WWC2: variants seen among roughly 807,000 people sequenced by gnomAD.
The protein encoded by WWC2 is protein WWC2.
Under a neutral mutation model 138.5 loss-of-function variants are expected in WWC2, and 101 were observed. The observed-to-expected ratio is 0.73, with a 90% CI of 0.62 to 0.86. The LOEUF (loss-of-function observed/expected upper bound fraction) is 0.86, where lower values mean the gene tolerates loss of function less well. Among genes scored for constraint, WWC2 ranks in the 40% least tolerant of loss-of-function variants. WWC2 has a pLI of 0.00. For missense variants in WWC2, 1,420 were observed against 1,419.4 expected, an observed-to-expected ratio of 1.00 and a Z score of -0.01; for synonymous variants, 558 against 538.4, an observed-to-expected ratio of 1.04 and a Z score of -0.50.
intron 1 of WWC2, among the ~76,000 whole-genome samples, chr4:183,177,721 A>G (rs2111176589): frequency 6.6e-6 from 1 of 152,274 alleles, no homozygotes; most frequent in East Asian, 1.9e-4. Context: ...ATAAATAGTC[A>G]TCTTTGAAAT....
At chr4:183,124,134 A>G (rs1381067190) in intron 1 of WWC2, among the ~76,000 whole-genome samples, 3 of 152,198 alleles carry the variant, frequency 2.0e-5, no homozygotes, top group East Asian at 1.9e-4. Context: ...TAGATACCCA[A>G]ACAGTTCCTG....
intron 21 of WWC2, among the ~76,000 whole-genome samples, chr4:183,291,790 A>G (rs1177697076): frequency 6.6e-6 from 1 of 152,188 alleles, no homozygotes; most frequent in Non-Finnish European, 1.5e-5. Flanking sequence ...TCTCCATTGT[A>G]TAGAGAGAAG....
chr4:183,174,815 C>G (rs1181822220), intron 1 of WWC2, among the ~76,000 whole-genome samples: 1 of 151,992 alleles, frequency 6.6e-6, no homozygotes, highest in Non-Finnish European at 1.5e-5. Flanking sequence ...CTCTCTGTCT[C>G]TCTCTCTTTT....
At chr4:183,196,056 G>A (rs1426397800) in intron 2 of WWC2, among the ~76,000 whole-genome samples, 1 of 151,980 alleles carries the variant, frequency 6.6e-6, no homozygotes, top group Non-Finnish European at 1.5e-5. Flanking sequence ...AGCATCTTCC[G>A]CTTACTCTCT....
At chr4:183,239,418 A>ATTT (rs2111308523) in intron 4 of WWC2, among the ~76,000 whole-genome samples, 1 of 152,346 alleles carries the variant, frequency 6.6e-6, no homozygotes, top group Non-Finnish European at 1.5e-5. Flanking sequence ...TTTGTGACTA[A>ATTT]ACCAGGCGTG....
intron 1 of WWC2, among the ~76,000 whole-genome samples, chr4:183,102,822 G>A (rs185019890): frequency 2.7e-5 from 4 of 150,186 alleles, no homozygotes. Context: ...GAACATACCA[G>A]TTGGTGTTTA....
At chr4:183,311,218 A>C (rs1739205281) in intron 21 of WWC2, among the ~76,000 whole-genome samples, 1 of 152,238 alleles carries the variant, frequency 6.6e-6, no homozygotes, top group Admixed American at 6.5e-5. Flanking sequence ...GTACATTTTT[A>C]TTTTAAAATG....
intron 1 of WWC2, among the ~76,000 whole-genome samples, chr4:183,151,828 T>A (rs969218846): frequency 2.6e-5 from 4 of 152,250 alleles, no homozygotes; most frequent in Non-Finnish European, 5.9e-5. Context: ...TTTCTCAGGT[T>A]TGTCAAAGAT....
chr4:183,242,818 A>G (rs1736663413), intron 5 of WWC2, among the ~76,000 whole-genome samples: 1 of 152,238 alleles, frequency 6.6e-6, no homozygotes, highest in Non-Finnish European at 1.5e-5. Flanking sequence ...TTAAGAACAA[A>G]AAGCATGATA....
intron 16 of WWC2, among the ~76,000 whole-genome samples, chr4:183,272,711 A>G (rs1037337675): frequency 1.3e-5 from 2 of 152,166 alleles, no homozygotes; most frequent in Admixed American, 6.5e-5. Context: ...CAATAATACA[A>G]TATTTGTTCT....
At chr4:183,200,910 C>G (rs889667644) in intron 2 of WWC2, among the ~76,000 whole-genome samples, 3 of 152,190 alleles carry the variant, frequency 2.0e-5, no homozygotes, top group Non-Finnish European at 4.4e-5. Flanking sequence ...AGCGCATACT[C>G]AAGAGGCATA....
At chr4:183,287,872 C>T in intron 20 of WWC2, among the ~76,000 whole-genome samples, 1 of 152,126 alleles carries the variant, frequency 6.6e-6, no homozygotes, top group East Asian at 1.9e-4. Flanking sequence ...ACAGTCATAG[C>T]TTGAAAATGG....
chr4:183,142,071 A>G lies in WWC2; in HGVS notation c.131+42449A>G, dbSNP rs184320348. ...AAGCAGTTTGGTGGGTTGGAGTGCT[A>G]TTTTAGAAAAGTGATAGGAGAGCAT... On this transcript the variant is annotated intron_variant, in intron 1 of 22. Transcript: ENST00000403733. Among the ~76,000 whole-genome samples the G allele has an allele frequency of 2.3e-3, 348 of 152,294 alleles. 1 individual carries two copies. The highest frequency in any genetic ancestry group is 3.6e-3 in the Admixed American group (55 of 15,298).
chr4:183,309,371 C>G (rs969711079), intron 21 of WWC2, among the ~76,000 whole-genome samples: 10 of 152,184 alleles, frequency 6.6e-5, no homozygotes, highest in African/African-American at 2.4e-4. Context: ...TTACAAAAAA[C>G]TCTTAAAACT....
At chr4:183,312,495 T>C (rs745632169) in intron 22 of WWC2, 27 bp downstream of exon 22, 1 of 1,612,160 alleles carries the variant, frequency 6.2e-7, no homozygotes, top group South Asian at 1.1e-5. Context: ...AGGACAGCTT[T>C]TGGGTTGCCC....
At chr4:183,106,703 CT>C (rs1367288114) in intron 1 of WWC2, among the ~76,000 whole-genome samples, 3 of 152,026 alleles carry the variant, frequency 2.0e-5, no homozygotes, top group African/African-American at 7.2e-5. Context: ...TATCTGGCTT[CT>C]TTTTTTCTTA....
intron 1 of WWC2, among the ~76,000 whole-genome samples, chr4:183,182,416 A>G (rs1734658472): frequency 6.6e-6 from 1 of 152,238 alleles, no homozygotes; most frequent in Non-Finnish European, 1.5e-5. Flanking sequence ...TGTTTGGACA[A>G]TAATCCTTTT....
At chr4:183,299,382 C>G (rs1738747586) in intron 21 of WWC2, among the ~76,000 whole-genome samples, 1 of 152,106 alleles carries the variant, frequency 6.6e-6, no homozygotes, top group Non-Finnish European at 1.5e-5. Flanking sequence ...CTGCTACTGG[C>G]AGTTTCACAT....
intron 21 of WWC2, among the ~76,000 whole-genome samples, chr4:183,297,914 T>G (rs1249012703): frequency 6.6e-6 from 1 of 152,214 alleles, no homozygotes; most frequent in Admixed American, 6.5e-5. Context: ...CACATATGGC[T>G]GCCAGACAAT....
Sources: allele counts gnomAD v4.1 joint callset (sites outside exome capture counted in the v4.1 genomes callset), GRCh38; gene constraint gnomAD v4.1.1; transcripts MANE v1.5; gene names NCBI Gene and HGNC (gene_info 2026-07-23, HGNC 2026-07-21).